Variants in FSTL5 observed in about 807,000 individuals in gnomAD.
The protein encoded by FSTL5 is follistatin-related protein 5.
A neutral mutation model predicts 89.1 loss-of-function variants in FSTL5; 62 were observed. The ratio of observed to expected loss-of-function variants is 0.70; its 90% CI spans 0.57 to 0.86. FSTL5 has a LOEUF of 0.86. Among genes scored for constraint, FSTL5 ranks in the 40% least tolerant of loss-of-function variants. The pLI is 0.00. For missense variants in FSTL5, 1,057 were observed against 1,001.6 expected, an observed-to-expected ratio of 1.06 and a Z score of -0.75; for synonymous variants, 383 against 346.2, an observed-to-expected ratio of 1.11 and a Z score of -1.18.
intron 4 of FSTL5, among the ~76,000 whole-genome samples, chr4:161,906,277 C>T (rs1733524317): frequency 6.6e-6 from 1 of 152,050 alleles, no homozygotes; most frequent in Non-Finnish European, 1.5e-5. Flanking sequence ...AGAAATTCAC[C>T]AGTCTCCAGA....
intron 6 of FSTL5, among the ~76,000 whole-genome samples, chr4:161,751,060 A>G (rs1740375038): frequency 6.6e-6 from 1 of 152,170 alleles, no homozygotes; most frequent in Non-Finnish European, 1.5e-5. Context: ...TTAGCAAGCA[A>G]AATGTACCAG....
chr4:162,019,932 A>G (rs186043233), intron 3 of FSTL5, among the ~76,000 whole-genome samples: 4 of 149,960 alleles, frequency 2.7e-5, no homozygotes, highest in African/African-American at 9.7e-5. Context: ...TGTGAATTTA[A>G]TATGAATGTA....
intron 11 of FSTL5, among the ~76,000 whole-genome samples, chr4:161,503,703 A>C (rs756489403): frequency 6.6e-6 from 1 of 151,910 alleles, no homozygotes; most frequent in African/African-American, 2.4e-5. Context: ...AGATAATATC[A>C]CTCTGGCCAA....
intron 13 of FSTL5, among the ~76,000 whole-genome samples, chr4:161,472,363 T>C (rs184346525): frequency 6.3e-4 from 96 of 152,272 alleles, no homozygotes; most frequent in Middle Eastern, 3.4e-3. Context: ...TTTTTATCAG[T>C]TCCTTCTTTC....
chr4:161,683,570 A>G (rs1268002849), intron 6 of FSTL5, among the ~76,000 whole-genome samples: 1 of 152,092 alleles, frequency 6.6e-6, no homozygotes, highest in African/African-American at 2.4e-5. Flanking sequence ...AAAATCCTCT[A>G]TGGAAAAGTC....
At position 161,639,769 on chromosome 4, in the gene FSTL5, G is replaced by A. The variant is rs567119811; in HGVS notation, c.894+16559C>T. Reference sequence around the variant, plus strand: ...AGCAGCTTGCACACAGCTTACAGGAGCCATGGCTGGGAAAGGGGATCCTGT... The same window carrying A: ...AGCAGCTTGCACACAGCTTACAGGAACCATGGCTGGGAAAGGGGATCCTGT... On this transcript the variant is annotated intron_variant, in intron 7 of 15. Coordinates refer to ENST00000306100, the MANE Select transcript of FSTL5 (RefSeq NM_020116.5). 8.5e-5 allele frequency among the ~76,000 whole-genome samples: 13 copies of A among 152,222 alleles called. No homozygotes were observed. The South Asian group carries it at 2.7e-3, about 32-fold the overall frequency.
intron 3 of FSTL5, among the ~76,000 whole-genome samples, chr4:161,957,627 T>G (rs1056940309): frequency 6.6e-6 from 1 of 152,092 alleles, no homozygotes; most frequent in African/African-American, 2.4e-5. Flanking sequence ...AGAGCCATCC[T>G]AGACCAGCCA....
At chr4:161,963,447 A>T (rs1350838790) in intron 3 of FSTL5, among the ~76,000 whole-genome samples, 1 of 151,968 alleles carries the variant, frequency 6.6e-6, no homozygotes, top group Non-Finnish European at 1.5e-5. Context: ...CAACTGAAAT[A>T]CTACAGTAAC....
At chr4:161,929,169 T>G (rs1734210181) in intron 3 of FSTL5, among the ~76,000 whole-genome samples, 1 of 151,520 alleles carries the variant, frequency 6.6e-6, no homozygotes, top group Admixed American at 6.6e-5. Context: ...TTCTTTCTCT[T>G]TTTTAAATAT....
chr4:161,528,187 C>G (rs1481175085), intron 10 of FSTL5, among the ~76,000 whole-genome samples: 1 of 135,726 alleles, frequency 7.4e-6, no homozygotes, highest in African/African-American at 2.6e-5. Context: ...GGAGATATAC[C>G]TAATGCTAAA....
intron 4 of FSTL5, among the ~76,000 whole-genome samples, chr4:161,910,381 T>G (rs1733657126): frequency 6.6e-6 from 1 of 152,172 alleles, no homozygotes; most frequent in Non-Finnish European, 1.5e-5. Flanking sequence ...AATATATGCC[T>G]TCCTGATCCA....
chr4:161,751,074 G>A (rs1270583166), intron 6 of FSTL5, among the ~76,000 whole-genome samples: 2 of 152,114 alleles, frequency 1.3e-5, no homozygotes, highest in Non-Finnish European at 2.9e-5. Flanking sequence ...GTACCAGTTA[G>A]AGATCAGAGT....
chr4:161,497,007 A>G (rs945548027), intron 12 of FSTL5, among the ~76,000 whole-genome samples: 3 of 152,200 alleles, frequency 2.0e-5, no homozygotes, highest in African/African-American at 7.2e-5. Flanking sequence ...AATTAGAAAT[A>G]TATTATTAAG....
intron 4 of FSTL5, among the ~76,000 whole-genome samples, chr4:161,806,857 G>C (rs1729982985): frequency 6.6e-6 from 1 of 152,014 alleles, no homozygotes; most frequent in African/African-American, 2.4e-5. Flanking sequence ...GTTCATGAAA[G>C]TTCTCATACA....
chr4:161,724,740 A>G (rs1739332968), intron 6 of FSTL5, among the ~76,000 whole-genome samples: 1 of 152,212 alleles, frequency 6.6e-6, no homozygotes, highest in African/African-American at 2.4e-5. Flanking sequence ...CATAAATCAA[A>G]ATTAAATGCT....
chr4:161,484,096 C>A (rs1729601735), intron 12 of FSTL5, among the ~76,000 whole-genome samples: 1 of 152,114 alleles, frequency 6.6e-6, no homozygotes, highest in South Asian at 2.1e-4. Flanking sequence ...TTACTCATAT[C>A]TGATTTGCTA....
intron 4 of FSTL5, among the ~76,000 whole-genome samples, chr4:161,860,691 C>A (rs2126889630): frequency 6.6e-6 from 1 of 152,252 alleles, no homozygotes; most frequent in South Asian, 2.1e-4. Context: ...TGGTGATTCT[C>A]TGAGAAGGGA....
chr4:161,588,250 G>T (rs2126607938), intron 7 of FSTL5, among the ~76,000 whole-genome samples: 1 of 152,018 alleles, frequency 6.6e-6, no homozygotes, highest in Admixed American at 6.6e-5. Flanking sequence ...CTTATTTATG[G>T]CTAAAACAAA....
intron 14 of FSTL5, among the ~76,000 whole-genome samples, chr4:161,455,498 T>A (rs1733322982): frequency 6.6e-6 from 1 of 152,138 alleles, no homozygotes; most frequent in Non-Finnish European, 1.5e-5. Flanking sequence ...CCCTCCAGTA[T>A]AACATAACTG....
Sources: allele counts gnomAD v4.1 joint callset (sites outside exome capture counted in the v4.1 genomes callset), GRCh38; gene constraint gnomAD v4.1.1; transcripts MANE v1.5; gene names NCBI Gene and HGNC (gene_info 2026-07-23, HGNC 2026-07-21).